The following ZNF778 variants were observed in gnomAD, a reference collection of about 807,000 sequenced individuals.
The protein encoded by ZNF778 is zinc finger protein 778.
A neutral mutation model predicts 23.9 loss-of-function variants in ZNF778; 37 were observed. The ratio of observed to expected loss-of-function variants is 1.54; its 90% CI spans 1.19 to 2.03. The LOEUF (loss-of-function observed/expected upper bound fraction) is 2.03. Ranked by LOEUF, ZNF778 falls within the 30% of genes most tolerant of loss-of-function variation. ZNF778 has a pLI of 0.00. For synonymous variants in ZNF778, 483 were observed against 343.9 expected, an observed-to-expected ratio of 1.40 and a Z score of -4.48; for missense variants, 1,297 against 934.4, an observed-to-expected ratio of 1.39 and a Z score of -5.06.
In ZNF778 at chr16:89,233,420, GTA is replaced by G. The variant is rs1567515877; in HGVS notation, c.*4860_*4861del. 1.0e-6 allele frequency: 1 copy of G among 987,826 alleles called. No individual in the cohort carries two copies. The highest frequency in any genetic ancestry group is 1.3e-6 in the Non-Finnish European group (1 of 790,842). The allele number at this position is 987,826 out of a possible 1,614,324, so 61.2% of individuals were successfully genotyped here. On this transcript the variant is annotated 3_prime_UTR_variant, in exon 7 of 7. Transcript: ENST00000433976. ...GCGTATGCAACTCAACTCGCACTGCGTATGCAACTCAACTCGCACTGCGTGTG... is the reference window on the plus strand; with the variant it reads ...GCGTATGCAACTCAACTCGCACTGCGTGCAACTCAACTCGCACTGCGTGTG...
In ZNF778 at chr16:89,234,333, C is replaced by G. The variant is rs940947274; in HGVS notation, c.*5771C>G. 2 of 323,886 alleles carry G rather than the reference C, an allele frequency of 6.2e-6. No homozygotes were observed. Among genetic ancestry groups the G allele is most frequent in the Non-Finnish European group, 1.2e-5 (2 of 165,356 alleles). The allele number at this position is 323,886 out of a possible 1,614,324, so 20.1% of individuals were successfully genotyped here. On this transcript the variant is annotated 3_prime_UTR_variant, in exon 7 of 7. Transcript: ENST00000433976. ...GGCAGTTTTATTCTTTCTCTCTACT[C>G]GTTCAACCTTCTTAGGGAGTGACGT...
At chr16:89,225,992 A>T (rs2031443334) in intron 6 of ZNF778, among the ~76,000 whole-genome samples, 1 of 151,816 alleles carries the variant, frequency 6.6e-6, no homozygotes, top group Non-Finnish European at 1.5e-5. Context: ...GCTCACTGCA[A>T]CCTCCGCCTC....
Position 89,224,711 on chromosome 16 carries a change from G to A in ZNF778, c.245-8G>A, listed in dbSNP as rs1359441795. On this transcript the variant is annotated splice_polypyrimidine_tract_variant and splice_region_variant and intron_variant, in intron 4 of 6. Coordinates refer to ENST00000433976, the MANE Select transcript of ZNF778 (RefSeq NM_001201407.2). ...CTCTTCCATCGATGTCTCTTTCCCT[G>A]TGTACAGGACATCACCTGTTCCAAC... The A allele has an allele frequency of 1.3e-6, 2 of 1,534,018 alleles. No individual in the cohort carries two copies. Among genetic ancestry groups the A allele is most frequent in the Admixed American group, 2.0e-5 (1 of 50,930 alleles).
rs1567518437 is a variant in ZNF778 at position 89,236,342 on chromosome 16, T to C, written c.*7780T>C. On this transcript the variant is annotated 3_prime_UTR_variant, in exon 7 of 7. Coordinates refer to ENST00000433976, the MANE Select transcript of ZNF778 (RefSeq NM_001201407.2). ...GGAAGCCATAGAGGCCAACAGGAAA[T>C]GTAGGAGCATTTTTCAAGTTCTGAA... The C allele has an allele frequency of 1.3e-5, 2 of 152,064 alleles. No homozygotes were observed. The highest frequency in any genetic ancestry group is 4.8e-5 in the African/African-American group (2 of 41,388). The allele number at this position is 152,064 out of a possible 1,614,324, so 9.4% of individuals were successfully genotyped here.
In ZNF778 at chr16:89,232,302, C is replaced by G. The variant is rs114335609; in HGVS notation, c.*3740C>G. 2.1e-3 allele frequency: 475 copies of G among 225,808 alleles called. 1 individual carries two copies. Among genetic ancestry groups the G allele is most frequent in the African/African-American group, 0.01 (441 of 43,980 alleles). The allele number at this position is 225,808 out of a possible 1,614,324, so 14.0% of individuals were successfully genotyped here. On this transcript the variant is annotated 3_prime_UTR_variant, in exon 7 of 7. Transcript: ENST00000433976. Reference sequence around the variant, plus strand: ...CCTTGACCTTCTCTGCCCTGTTTGACACAGCAAATAGTCCTCACCAGAAGC... The same window carrying G: ...CCTTGACCTTCTCTGCCCTGTTTGAGACAGCAAATAGTCCTCACCAGAAGC...
rs2031013746 is a variant in ZNF778, at chr16:89,222,112, T to C, written c.46T>C (p.Ser16Pro). Residue 16 changes from serine (S) to proline (P), a missense_variant, in exon 3 of 7, where the codon TCA (serine) becomes CCA (proline). Coordinates refer to ENST00000433976, the MANE Select transcript of ZNF778 (RefSeq NM_001201407.2). ...TTTAGGAGGTCATGTTTCTAGGGAC[T>C]CAGTCTGCCTTCATGAAGAACAGAC... ...LAHGGHVSRD[S>P]VCLHEEQTQA... The C allele has an allele frequency of 6.2e-7, 1 of 1,601,784 alleles. No individual in the cohort carries two copies. Among genetic ancestry groups the C allele is most frequent in the Non-Finnish European group, 8.5e-7 (1 of 1,172,314 alleles).
At chr16:89,223,542 G>A (rs2031172857) in intron 4 of ZNF778, among the ~76,000 whole-genome samples, 1 of 152,184 alleles carries the variant, frequency 6.6e-6, no homozygotes, top group South Asian at 2.1e-4. Context: ...CTGGGGGTGG[G>A]CCTGTCATCT....
chr16:89,218,875 A>T (rs1319451064), intron 1 of ZNF778, among the ~76,000 whole-genome samples: 1 of 152,206 alleles, frequency 6.6e-6, no homozygotes, highest in Admixed American at 6.5e-5. Context: ...TGGGAGGCCG[A>T]GGCGGGTGGA....
At position 89,232,633 on chromosome 16, in the gene ZNF778, A is replaced by G. The variant is rs1484823659; in HGVS notation, c.*4071A>G. 2 of 1,143,040 alleles carry G rather than the reference A, an allele frequency of 1.7e-6. No homozygotes were observed. The highest frequency in any genetic ancestry group is 2.3e-5 in the African/African-American group (1 of 44,200). The allele number at this position is 1,143,040 out of a possible 1,614,324, so 70.8% of individuals were successfully genotyped here. A position where few individuals can be genotyped will look rare whatever the true frequency, so the allele number is the denominator to read the frequency against. ...GATAAAATATTAAAGGACCAATTGT[A>G]TTAATTATGTTTTTTTTTTTTTTGT... is the stretch of plus-strand genomic sequence containing the variant. On this transcript the variant is annotated 3_prime_UTR_variant, in exon 7 of 7. Transcript: ENST00000433976.
intron 6 of ZNF778, among the ~76,000 whole-genome samples, chr16:89,226,072 C>G (rs1486797375): frequency 6.6e-6 from 1 of 152,102 alleles, no homozygotes; most frequent in African/African-American, 2.4e-5. Context: ...CCACCATGCC[C>G]AGCTAATTTG....
Position 89,229,297 on chromosome 16 carries a change from G to C in ZNF778, c.*735G>C. The stretch of plus-strand genomic sequence containing the variant: ...GTTGGTTAGTCTTGAGGATCCAGAT[G>C]TGATTCTGTGAGCAGTGTAAGCTCT... On this transcript the variant is annotated 3_prime_UTR_variant, in exon 7 of 7. Coordinates refer to ENST00000433976, the MANE Select transcript of ZNF778 (RefSeq NM_001201407.2). 1.0e-6 allele frequency: 1 copy of C among 985,466 alleles called. No individual in the cohort carries two copies. The highest frequency in any genetic ancestry group is 1.2e-6 in the Non-Finnish European group (1 of 830,030). The allele number at this position is 985,466 out of a possible 1,614,324, so 61.0% of individuals were successfully genotyped here. A position where few individuals can be genotyped will look rare whatever the true frequency, so the allele number is the denominator to read the frequency against.
Position 89,232,642 on chromosome 16 carries a change from G to GTTTTTTTTTTTTTTTTT in ZNF778, c.*4094_*4095insTTTTTTTTTTTTTTTTT. On this transcript the variant is annotated 3_prime_UTR_variant, in exon 7 of 7. Coordinates refer to ENST00000433976, the MANE Select transcript of ZNF778 (RefSeq NM_001201407.2). ...TTAAAGGACCAATTGTATTAATTAT[G>GTTTTTTTTTTTTTTTTT]TTTTTTTTTTTTTTGTTAGGGTACA... 9.6e-7 allele frequency: 1 copy of GTTTTTTTTTTTTTTTTT among 1,047,116 alleles called. No individual in the cohort carries two copies. Among genetic ancestry groups the GTTTTTTTTTTTTTTTTT allele is most frequent in the Non-Finnish European group, 1.1e-6 (1 of 877,848 alleles). 64.9% of individuals were successfully genotyped at this position (1,047,116 alleles called of 1,614,324 possible).
chr16:89,220,058 T>G (rs2030769549), intron 1 of ZNF778, among the ~76,000 whole-genome samples: 1 of 152,212 alleles, frequency 6.6e-6, no homozygotes, highest in Non-Finnish European at 1.5e-5. Flanking sequence ...ATGAGTGCAG[T>G]CTGAGGGTCA....
Position 89,227,588 on chromosome 16 carries a change from T to C in ZNF778, c.1300T>C (p.Cys434Arg). ...CTGTGGGAAGGCCTTCACTGTGCGC[T>C]GTGGCCTTACTAGACACGTACGAAC... ...SYCGKAFTVR[C>R]GLTRHVRTHT... The change falls in exon 7 of 7, where the codon TGT becomes CGT. Residue 434 changes from cysteine to arginine, a missense_variant. By Grantham distance (180) the Cys-to-Arg change is radical. Coordinates refer to ENST00000433976, the MANE Select transcript of ZNF778 (RefSeq NM_001201407.2). 3 of 1,614,184 alleles carry C rather than the reference T, an allele frequency of 1.9e-6. No individual in the cohort carries two copies. The highest frequency in any genetic ancestry group is 1.6e-4 in the Middle Eastern group (1 of 6,062).
chr16:89,228,772 G>C lies in ZNF778; in HGVS notation c.*210G>C. On this transcript the variant is annotated 3_prime_UTR_variant, in exon 7 of 7. Coordinates refer to ENST00000433976, the MANE Select transcript of ZNF778 (RefSeq NM_001201407.2). ...CTCTAAGGTCTTGCTGAATATGGAT[G>C]GTATCCAGTAGAGAGAACTCTATTG... 1 of 1,365,804 alleles carries C rather than the reference G, an allele frequency of 7.3e-7. No individual in the cohort carries two copies. Among genetic ancestry groups the C allele is most frequent in the Non-Finnish European group, 9.4e-7 (1 of 1,063,400 alleles). The allele number at this position is 1,365,804 out of a possible 1,614,324, so 84.6% of individuals were successfully genotyped here. A position where few individuals can be genotyped will look rare whatever the true frequency, so the allele number is the denominator to read the frequency against.
Position 89,226,858 on chromosome 16 carries a change from G to C in ZNF778, c.570G>C (p.Leu190Phe). The change falls in exon 7 of 7, where the codon TTG (leucine) becomes TTC (phenylalanine). Residue 190 changes from leucine (L) to phenylalanine (F), a missense_variant. Transcript: ENST00000433976. ...RDFFIPCQKTLFKIGEQFSVL... is the reference protein window; with the variant it reads ...RDFFIPCQKTFFKIGEQFSVL... ...TTTTTATTCCATGCCAGAAAACCTTGTTCAAAATTGGAGAGCAGTTTTCCG... is the reference window on the plus strand; with the variant it reads ...TTTTTATTCCATGCCAGAAAACCTTCTTCAAAATTGGAGAGCAGTTTTCCG... The C allele has an allele frequency of 6.2e-7, 1 of 1,613,980 alleles. No homozygotes were observed. The highest frequency in any genetic ancestry group is 8.5e-7 in the Non-Finnish European group (1 of 1,179,890).
At chr16:89,218,281 G>A (rs2030555327) in intron 1 of ZNF778, 1 of 152,218 alleles carries the variant, frequency 6.6e-6, no homozygotes, top group African/African-American at 2.4e-5. Flanking sequence ...TCTGCTACAA[G>A]GAATATCCAC....
At chr16:89,222,966 AGG>A (rs1024252513) in intron 3 of ZNF778, among the ~76,000 whole-genome samples, 189 bp from the exon 4 acceptor site, 4 of 10,824 alleles carry the variant, frequency 3.7e-4, no homozygotes, top group East Asian at 0.023. Context: ...GGAGAGCGAC[AGG>A]GTGCGCGTGA....
At position 89,235,834 on chromosome 16, in the gene ZNF778, C is replaced by G. The variant is rs1053116868; in HGVS notation, c.*7272C>G. 3 of 151,914 alleles carry G rather than the reference C, an allele frequency of 2.0e-5. No individual in the cohort carries two copies. Among genetic ancestry groups the G allele is most frequent in the Non-Finnish European group, 2.9e-5 (2 of 67,984 alleles). 9.4% of individuals were successfully genotyped at this position (151,914 alleles called of 1,614,324 possible). ...ATAAAAACTTAAGTTTGAAGAGGTT[C>G]CATGAGCCCCAGACAGGATAAACCT... On this transcript the variant is annotated 3_prime_UTR_variant, in exon 7 of 7. Coordinates refer to ENST00000433976, the MANE Select transcript of ZNF778 (RefSeq NM_001201407.2).
Sources: allele counts gnomAD v4.1 joint callset (sites outside exome capture counted in the v4.1 genomes callset), GRCh38; gene constraint gnomAD v4.1.1; transcripts MANE v1.5; gene names NCBI Gene and HGNC (gene_info 2026-07-23, HGNC 2026-07-21).